Variants in KRT7 observed in about 807,000 individuals in gnomAD.
KRT7 encodes the protein keratin 7, also known as keratin, type II cytoskeletal 7.
KRT7 carries 50 observed loss-of-function variants against 42.8 expected under a neutral mutation model. That is an observed-to-expected ratio of 1.17 (90% CI 0.93 to 1.48). The LOEUF (loss-of-function observed/expected upper bound fraction) is 1.48, where lower values mean the gene tolerates loss of function less well. KRT7 is among the 40% of genes most tolerant of loss of function. The pLI is 0.00. For synonymous variants in KRT7, 268 were observed against 266.3 expected, an observed-to-expected ratio of 1.01 and a Z score of -0.06; for missense variants, 588 against 637.6, an observed-to-expected ratio of 0.92 and a Z score of 0.84.
At chr12:52,237,721 CGTGT>C (rs1364132094) in intron 3 of KRT7, 152 bp downstream of exon 3, 4 of 322,970 alleles carry the variant, frequency 1.2e-5, no homozygotes, top group Admixed American at 1.0e-4. Flanking sequence ...CCTGTGGGTG[CGTGT>C]ATGTGTGTGT....
chr12:52,234,127 AG>A (rs574825664), intron 1 of KRT7, among the ~76,000 whole-genome samples: 1,395 of 82,830 alleles, frequency 0.017, 57 homozygotes, highest in African/African-American at 0.063. Context: ...GGGGCGGGGG[AG>A]GGGGGGGGGC....
chr12:52,250,589 G>T, downstream of KRT7: 1 of 1,265,392 alleles, frequency 7.9e-7, no homozygotes, highest in Non-Finnish European at 1.1e-6. Flanking sequence ...CCGGCCGGGA[G>T]CCCGACACGC....
Position 52,243,120 on chromosome 12 carries a change from G to A in KRT7, c.967G>A (p.Asp323Asn), listed in dbSNP as rs764779888. 8.1e-6 allele frequency: 13 copies of A among 1,612,478 alleles called. No individual in the cohort carries two copies. In the East Asian group the frequency reaches 1.1e-4, roughly 14 times the overall value. ...RAIQRLQAEI[D>N]NIKNQRAKLE... ...CATCCAGAGGCTGCAGGCTGAGATC[G>A]ACAACATCAAGAACCAGGTGGGACA... The change falls in exon 6 of 9, where the codon GAC (aspartate) becomes AAC (asparagine). Residue 323 changes from aspartate (D) to asparagine (N), a missense_variant. Physicochemically the swap from Asp to Asn is conservative, Grantham distance 23 (BLOSUM62 1). Coordinates refer to ENST00000331817, the MANE Select transcript of KRT7 (RefSeq NM_005556.4).
chr12:52,253,290 G>A (rs372692417), downstream of KRT7: 127 of 1,612,772 alleles, frequency 7.9e-5, 1 homozygote, highest in Admixed American at 1.4e-3. Flanking sequence ...TCCTTGGTGC[G>A]GCGCAGGGTC....
intron 4 of KRT7, among the ~76,000 whole-genome samples, chr12:52,240,242 C>T (rs1193146464): frequency 6.6e-6 from 1 of 152,208 alleles, no homozygotes; most frequent in African/African-American, 2.4e-5. Flanking sequence ...TGTGTAAACA[C>T]ACCTGTGTGT....
At chr12:52,245,966 A>G in intron 7 of KRT7, 1 of 291,976 alleles carries the variant, frequency 3.4e-6, no homozygotes, top group Non-Finnish European at 6.3e-6. Flanking sequence ...CCAGAGGGGA[A>G]AGCTGTGGTT....
intron 1 of KRT7, among the ~76,000 whole-genome samples, chr12:52,233,898 C>G (rs953779818): frequency 6.6e-6 from 1 of 152,174 alleles, no homozygotes; most frequent in Non-Finnish European, 1.5e-5. Context: ...TAGGGCTGCC[C>G]TCGCTGGCTG....
intron 1 of KRT7, 61 bp from the exon 2 acceptor site, chr12:52,235,094 A>G (rs1295893702): frequency 1.8e-5 from 28 of 1,521,880 alleles, no homozygotes; most frequent in Admixed American, 1.2e-4. Context: ...ATGTTCCTCA[A>G]TCCCGCTGTG....
At chr12:52,246,032 T>TGGATCA (rs1217480531) in intron 7 of KRT7, 1 of 197,968 alleles carries the variant, frequency 5.1e-6, no homozygotes, top group East Asian at 1.6e-4. Flanking sequence ...TGCTGATTCC[T>TGGATCA]GCTCCAAGGA....
chr12:52,250,382 C>T (rs1942245689), downstream of KRT7: 4 of 375,860 alleles, frequency 1.1e-5, no homozygotes, highest in South Asian at 4.9e-5. Flanking sequence ...TCCTTCCCCA[C>T]GTCTGGGGAC....
At chr12:52,252,273 G>A (rs183496548), downstream of KRT7, 40 of 1,612,968 alleles carry the variant, frequency 2.5e-5, no homozygotes, top group East Asian at 3.1e-4. Flanking sequence ...TCTGCTCCTC[G>A]CCCTCCAGCA....
At position 52,233,431 on chromosome 12, in the gene KRT7, A is replaced by G. The variant is rs7308888; in HGVS notation, c.135A>G (p.Ser45=). The G allele has an allele frequency of 0.82, 1,264,059 of 1,550,458 alleles. 516,721 individuals carry two copies. Among genetic ancestry groups the G allele is most frequent in the African/African-American group, 0.95 (66,288 of 69,576 alleles). Reference sequence around the variant, plus strand: ...GCAGCCTCTACGGCCTCGGCGCCTCACGGCCGCGCGTGGCCGTGCGCTCTG... The same window carrying G: ...GCAGCCTCTACGGCCTCGGCGCCTCGCGGCCGCGCGTGGCCGTGCGCTCTG... ...GSSSLYGLGA[S]RPRVAVRSAY... is the part of the protein sequence containing the mutation. Residue 45 remains serine, a synonymous_variant, in exon 1 of 9, where the codon TCA becomes TCG. Transcript: ENST00000331817.
chr12:52,243,264 C>A, intron 6 of KRT7, 127 bp downstream of exon 6: 1 of 1,124,478 alleles, frequency 8.9e-7, no homozygotes, highest in South Asian at 1.6e-5. Context: ...CTGTCTCAGA[C>A]CCCCTTGTGA....
At chr12:52,241,714 A>G in intron 5 of KRT7, 78 bp downstream of exon 5, 1 of 1,319,898 alleles carries the variant, frequency 7.6e-7, no homozygotes, top group Non-Finnish European at 1.1e-6. Context: ...ACTTGTCTCA[A>G]GCCTTCAGGG....
chr12:52,247,724 C>T (rs1316187872), intron 7 of KRT7: 1 of 182,420 alleles, frequency 5.5e-6, no homozygotes, highest in Non-Finnish European at 1.2e-5. Flanking sequence ...GCAATGACTT[C>T]TCCAGGCCTC....
chr12:52,238,704 A>C lies in KRT7; in HGVS notation c.622A>C (p.Lys208Gln), dbSNP rs752543584. 1 of 1,613,906 alleles carries C rather than the reference A, an allele frequency of 6.2e-7. No homozygotes were observed. Among genetic ancestry groups the C allele is most frequent in the East Asian group, 2.2e-5 (1 of 44,876 alleles). ...GGATGTGGATGCTGCCTACATGAGC[A>C]AGGTGGAGCTGGAGGCCAAGGTGGA... is the stretch of plus-strand genomic sequence containing the variant. ...KKDVDAAYMS[K>Q]VELEAKVDAL... The change falls in exon 4 of 9, where the codon AAG becomes CAG. Residue 208 changes from lysine (K) to glutamine (Q), a missense_variant. Physicochemically the swap from Lys to Gln is moderately conservative, Grantham distance 53. Coordinates refer to ENST00000331817, the MANE Select transcript of KRT7 (RefSeq NM_005556.4).
chr12:52,234,121 CGGGGGAGGGGG>C (rs1330446513), intron 1 of KRT7, among the ~76,000 whole-genome samples: 2 of 2,998 alleles, frequency 6.7e-4, no homozygotes, highest in African/African-American at 1.5e-3. Context: ...GTCGGTGGGG[CGGGGGAGGGGG>C]GGGGGCTCCC....
At chr12:52,252,583 T>C (rs969731594), downstream of KRT7, 9 of 1,438,322 alleles carry the variant, frequency 6.3e-6, no homozygotes, top group Non-Finnish European at 8.5e-6. Flanking sequence ...AGAGGCCTTG[T>C]CTATTTGTTA....
chr12:52,241,730 G>A (rs146344731), intron 5 of KRT7, 94 bp downstream of exon 5: 4 of 1,157,118 alleles, frequency 3.5e-6, no homozygotes, highest in African/African-American at 1.5e-5. Flanking sequence ...CAGGGCCTGG[G>A]TCCCACTGTT....
Sources: allele counts gnomAD v4.1 joint callset (sites outside exome capture counted in the v4.1 genomes callset), GRCh38; gene constraint gnomAD v4.1.1; transcripts MANE v1.5; gene names NCBI Gene and HGNC (gene_info 2026-07-23, HGNC 2026-07-21).